ERAP2: variants seen among roughly 807,000 people sequenced by gnomAD.
The protein encoded by ERAP2 is endoplasmic reticulum aminopeptidase 2.
ERAP2 carries 118 observed loss-of-function variants against 111.1 expected under a neutral mutation model. The ratio of observed to expected loss-of-function variants is 1.06; its 90% CI spans 0.92 to 1.24. The LOEUF (loss-of-function observed/expected upper bound fraction) is 1.24. Among genes scored for constraint, ERAP2 ranks in the 50% most tolerant of loss-of-function variants. The pLI, the probability that ERAP2 is intolerant of heterozygous loss-of-function variation, is 0.00. For missense variants in ERAP2, 1,131 were observed against 1,125.8 expected, an observed-to-expected ratio of 1.00 and a Z score of -0.07; for synonymous variants, 410 against 401.2, an observed-to-expected ratio of 1.02 and a Z score of -0.26.
intron 9 of ERAP2, among the ~76,000 whole-genome samples, chr5:96,897,758 C>A (rs545112370): frequency 6.6e-6 from 1 of 152,198 alleles, no homozygotes; most frequent in East Asian, 1.9e-4. Flanking sequence ...TTTTATAGAA[C>A]CATTAGACCC....
chr5:96,892,202 A>G (rs1174812649), intron 5 of ERAP2, 97 bp from the exon 6 acceptor site: 2 of 1,263,272 alleles, frequency 1.6e-6, no homozygotes, highest in Admixed American at 4.1e-5. Context: ...GTCTGCTTAA[A>G]TATGCTTAAA....
chr5:96,904,834 A>G (rs1194649651), intron 13 of ERAP2, among the ~76,000 whole-genome samples: 1 of 152,214 alleles, frequency 6.6e-6, no homozygotes, highest in Admixed American at 6.5e-5. Context: ...ATTTGCAGTT[A>G]TTGATGCATT....
At chr5:96,909,839 G>T in intron 15 of ERAP2, 75 bp downstream of exon 15, 1 of 1,448,658 alleles carries the variant, frequency 6.9e-7, no homozygotes, top group Non-Finnish European at 9.4e-7. Flanking sequence ...CAAGACATTA[G>T]GTCTAAAACC....
At position 96,889,235 on chromosome 5, in the gene ERAP2, G is replaced by A; in HGVS notation, c.900G>A (p.Leu300=). The A allele has an allele frequency of 6.2e-7, 1 of 1,614,020 alleles. No homozygotes were observed. The highest frequency in any genetic ancestry group is 1.1e-5 in the South Asian group (1 of 91,084). ...PDKRNQTHYA[L]QASLKLLDFY... is the part of the protein sequence containing the mutation. ...AACGGAATCAAACACATTATGCTTTGCAGGCATCACTGAAGCTACTTGATT... is the reference window on the plus strand; with the variant it reads ...AACGGAATCAAACACATTATGCTTTACAGGCATCACTGAAGCTACTTGATT... The change falls in exon 5 of 19, where the codon TTG becomes TTA. Residue 300 remains leucine, a synonymous_variant. Coordinates refer to ENST00000437043, the MANE Select transcript of ERAP2 (RefSeq NM_022350.5).
intron 5 of ERAP2, chr5:96,889,621 A>G (rs1784119641): frequency 4.7e-6 from 3 of 645,116 alleles, no homozygotes; most frequent in Non-Finnish European, 5.6e-6. Context: ...GGGTCCAGGA[A>G]AGAGATGGGG....
In ERAP2 at chr5:96,901,611, C is replaced by T. The variant is rs139523255; in HGVS notation, c.1678C>T (p.Arg560Ter). 41 of 1,613,994 alleles carry T rather than the reference C, an allele frequency of 2.5e-5. No homozygotes were observed. Among genetic ancestry groups the T allele is most frequent in the East Asian group, 8.9e-5 (4 of 44,898 alleles). The stretch of plus-strand genomic sequence containing the variant: ...GGTTAAACAAGACGGGTGTTCACTC[C>T]GACTGCAACAGGAGCGCTTCCTCCA... ...LVVKQDGCSL[R>*]LQQERFLQGV... The change falls in exon 11 of 19, where the codon CGA becomes TGA. Residue 560 changes from arginine to a stop codon, truncating the protein, a stop_gained. Coordinates refer to ENST00000437043, the MANE Select transcript of ERAP2 (RefSeq NM_022350.5). LOFTEE classifies it high-confidence loss of function.
rs746493950 is a variant in ERAP2 at position 96,896,841 on chromosome 5, A to G, written c.1481A>G (p.Asp494Gly). The G allele has an allele frequency of 4.3e-6, 5 of 1,151,304 alleles. No homozygotes were observed. Among genetic ancestry groups the G allele is most frequent in the Admixed American group, 6.8e-5 (2 of 29,198 alleles). 71.3% of individuals were successfully genotyped at this position (1,151,304 alleles called of 1,614,324 possible). ...AGCTATAGAAATGCTAAGAATGATG[A>G]CTTGTGGAGCAGTCTGTCAAATGTA... is the stretch of plus-strand genomic sequence containing the variant. ...KFSYRNAKND[D>G]LWSSLSNSCL... Residue 494 changes from aspartate (D) to glycine (G), a missense_variant, in exon 9 of 19, where the codon GAC becomes GGC. Asp to Gly is a moderately conservative substitution (Grantham distance 94, BLOSUM62 -1). This residue lies in a region of ERAP2 where 847 missense variants were observed against 856.5 expected (regional missense o/e 0.99). Coordinates refer to ENST00000437043, the MANE Select transcript of ERAP2 (RefSeq NM_022350.5).
chr5:96,885,379 G>A (rs1783618295), intron 3 of ERAP2, among the ~76,000 whole-genome samples: 1 of 152,152 alleles, frequency 6.6e-6, no homozygotes, highest in Non-Finnish European at 1.5e-5. Flanking sequence ...ACGGTTGTTG[G>A]GGAAAATTAA....
In ERAP2 at chr5:96,900,201, G is replaced by A. The variant is rs769968861; in HGVS notation, c.1572+12G>A. On this transcript the variant is annotated intron_variant, in intron 10 of 18. Transcript: ENST00000437043. ...TGACAAGTAACATGGTAAGGATAAA[G>A]AGAGTCACAGAGTAGAAGAGATCTG... The A allele has an allele frequency of 1.2e-6, 2 of 1,613,348 alleles. No individual in the cohort carries two copies. Among genetic ancestry groups the A allele is most frequent in the South Asian group, 1.1e-5 (1 of 91,070 alleles).
intron 17 of ERAP2, 129 bp from the exon 18 acceptor site, chr5:96,915,559 C>A: frequency 2.3e-6 from 1 of 438,630 alleles, no homozygotes; most frequent in East Asian, 3.7e-5. Flanking sequence ...TATGGTAATT[C>A]ACCGTATCTA....
At chr5:96,888,683 A>G (rs1255988021) in intron 4 of ERAP2, among the ~76,000 whole-genome samples, 1 of 152,190 alleles carries the variant, frequency 6.6e-6, no homozygotes, top group Non-Finnish European at 1.5e-5. Flanking sequence ...CTTGATAGCT[A>G]ATTTCTTTGG....
intron 9 of ERAP2, among the ~76,000 whole-genome samples, chr5:96,899,802 G>T (rs1346218281): frequency 6.6e-6 from 1 of 152,102 alleles, no homozygotes; most frequent in Non-Finnish European, 1.5e-5. Context: ...TAATAAAATA[G>T]GACCTTTCTT....
chr5:96,904,477 T>G (rs949233030), intron 13 of ERAP2, among the ~76,000 whole-genome samples: 1 of 152,306 alleles, frequency 6.6e-6, no homozygotes, highest in Middle Eastern at 3.4e-3. Context: ...TAAAATCCTC[T>G]AGTTAGAAAG....
chr5:96,879,636 A>C lies in ERAP2; in HGVS notation c.-50A>C, dbSNP rs751073784. The stretch of plus-strand genomic sequence containing the variant: ...CTGGAGCCAGTGCAGTGCCATGAAG[A>C]ACTACGAGATTAGCCTGGATATTAA... On this transcript the variant is annotated 5_prime_UTR_variant, in exon 2 of 19. Coordinates refer to ENST00000437043, the MANE Select transcript of ERAP2 (RefSeq NM_022350.5). 6.7e-7 allele frequency: 1 copy of C among 1,501,314 alleles called. No individual in the cohort carries two copies. The highest frequency in any genetic ancestry group is 2.3e-5 in the East Asian group (1 of 44,120). The allele number at this position is 1,501,314 out of a possible 1,614,324, so 93.0% of individuals were successfully genotyped here.
intron 6 of ERAP2, among the ~76,000 whole-genome samples, chr5:96,893,721 A>C (rs1420433855): frequency 6.6e-6 from 1 of 152,110 alleles, no homozygotes; most frequent in Non-Finnish European, 1.5e-5. Context: ...TTGTCTTCCC[A>C]TTGATTACCA....
chr5:96,904,102 A>T (rs752187427), intron 13 of ERAP2, among the ~76,000 whole-genome samples: 9 of 152,240 alleles, frequency 5.9e-5, no homozygotes, highest in Non-Finnish European at 1.3e-4. Flanking sequence ...GTTGTTATGA[A>T]ATCTATTCAT....
chr5:96,879,526 C>A (rs1782920275), intron 1 of ERAP2, 38 bp from the exon 2 acceptor site: 2 of 578,880 alleles, frequency 3.5e-6, no homozygotes, highest in African/African-American at 1.9e-5. Flanking sequence ...AAATTGAAAT[C>A]TTTTTTGTCA....
intron 9 of ERAP2, among the ~76,000 whole-genome samples, chr5:96,898,053 T>C (rs1785041170): frequency 6.6e-6 from 1 of 152,048 alleles, no homozygotes; most frequent in Non-Finnish European, 1.5e-5. Context: ...AACATTAGCT[T>C]GGCATGGTGG....
At chr5:96,881,587 C>T in intron 2 of ERAP2, 1 of 433,028 alleles carries the variant, frequency 2.3e-6, no homozygotes, top group South Asian at 1.6e-5. Flanking sequence ...GCATATTTTT[C>T]TCATGCAACA....
Sources: gnomAD v4.1 joint callset for allele counts (sites outside exome capture counted in the v4.1 genomes callset) on GRCh38, gnomAD v4.1.1 for gene constraint, gnomAD v4.1.1 regional missense constraint, MANE v1.5 for transcripts, NCBI Gene and HGNC (gene_info 2026-07-23, HGNC 2026-07-21) for gene names.